The following RSF1 variants were observed in gnomAD, a reference collection of about 807,000 sequenced individuals.
The protein encoded by RSF1 is HBV pX-associated protein 8.
Under a neutral mutation model 145.2 loss-of-function variants are expected in RSF1, and 13 were observed. That is an observed-to-expected ratio of 0.09 (90% CI 0.06 to 0.14). RSF1 has a LOEUF of 0.14. RSF1 is among the 10% of genes least tolerant of loss of function. The pLI, the probability that RSF1 is intolerant of heterozygous loss-of-function variation, is 1.00. For synonymous variants in RSF1, 577 were observed against 592.6 expected, an observed-to-expected ratio of 0.97 and a Z score of 0.38; for missense variants, 1,517 against 1,718.2, an observed-to-expected ratio of 0.88 and a Z score of 2.07.
intron 2 of RSF1, among the ~76,000 whole-genome samples, chr11:77,758,080 G>A (rs1948133457): frequency 6.6e-6 from 1 of 151,280 alleles, no homozygotes; most frequent in Admixed American, 6.6e-5. Context: ...AGGCTGCAGT[G>A]AGCTGTGACT....
the RSF1 span, among the ~76,000 whole-genome samples, chr11:77,845,485 C>T: frequency 6.6e-6 from 1 of 151,894 alleles, no homozygotes; most frequent in Admixed American, 6.6e-5. Flanking sequence ...AGCTGGAGTG[C>T]CGTGGCACAA....
intron 5 of RSF1, among the ~76,000 whole-genome samples, chr11:77,705,154 G>A (rs1286903795): frequency 6.6e-6 from 1 of 152,118 alleles, no homozygotes; most frequent in Non-Finnish European, 1.5e-5. Flanking sequence ...GAAGAACTAG[G>A]ACAGAATATG....
At chr11:77,688,166 C>G (rs1960059111) in intron 9 of RSF1, among the ~76,000 whole-genome samples, 1 of 152,082 alleles carries the variant, frequency 6.6e-6, no homozygotes, top group African/African-American at 2.4e-5. Context: ...GTGGCGCGTG[C>G]CTGTAATCCC....
At chr11:77,854,529 ATTAAAAC>A in the RSF1 span, among the ~76,000 whole-genome samples, 1 of 152,234 alleles carries the variant, frequency 6.6e-6, no homozygotes, top group Admixed American at 6.5e-5. Flanking sequence ...CAGGGCAGTA[ATTAAAAC>A]TTAAAACTCC....
chr11:77,852,429 T>C, the RSF1 span, among the ~76,000 whole-genome samples: 5 of 152,040 alleles, frequency 3.3e-5, no homozygotes, highest in African/African-American at 1.2e-4. Flanking sequence ...ATTTACATGA[T>C]TCAGAATTCA....
intron 5 of RSF1, among the ~76,000 whole-genome samples, chr11:77,704,059 C>G (rs1214834564): frequency 2.0e-5 from 3 of 152,176 alleles, no homozygotes; most frequent in African/African-American, 7.2e-5. Flanking sequence ...TTTGGGAGGC[C>G]AAGTTGGGTG....
intron 8 of RSF1, among the ~76,000 whole-genome samples, chr11:77,692,519 C>T (rs1276687522): frequency 2.2e-4 from 23 of 102,818 alleles, no homozygotes; most frequent in African/African-American, 1.0e-3. Context: ...GCTGGGATTA[C>T]AGGCGTGAGC....
rs73506798 is a variant in RSF1 at position 77,695,840 on chromosome 11, A to G, written c.2716-2229T>C. Among the ~76,000 whole-genome samples the G allele has an allele frequency of 5.0e-3, 767 of 152,306 alleles. 8 individuals are homozygous for G. The highest frequency in any genetic ancestry group is 0.018 in the African/African-American group (734 of 41,564). ...TATACACATATATCTTTCTGTGCCT[A>G]TATTAAAATAAACATGGAGTTCATG... is the stretch of plus-strand genomic sequence containing the variant. On this transcript the variant is annotated intron_variant, in intron 7 of 15. Transcript: ENST00000308488.
chr11:77,776,499 T>C (rs1036973329), intron 1 of RSF1, among the ~76,000 whole-genome samples: 2 of 152,236 alleles, frequency 1.3e-5, no homozygotes, highest in African/African-American at 2.4e-5. Context: ...TGTCATCTTA[T>C]AGTTTCCTGA....
chr11:77,747,218 T>C (rs572934791), intron 2 of RSF1, 90 bp from the exon 3 acceptor site: 31 of 779,018 alleles, frequency 4.0e-5, no homozygotes, highest in Non-Finnish European at 2.2e-6. Flanking sequence ...TGTTAATACA[T>C]GTTTATAAAG....
At chr11:77,741,894 T>C (rs2135911893) in intron 3 of RSF1, among the ~76,000 whole-genome samples, 1 of 152,346 alleles carries the variant, frequency 6.6e-6, no homozygotes, top group South Asian at 2.1e-4. Context: ...ACTGTGATTC[T>C]ATGAGTCTGA....
intron 5 of RSF1, among the ~76,000 whole-genome samples, chr11:77,709,924 A>G (rs1960638892): frequency 6.6e-6 from 1 of 152,270 alleles, no homozygotes; most frequent in South Asian, 2.1e-4. Context: ...ACCAGTGACA[A>G]TTCTTTTATA....
At chr11:77,757,146 CTA>C (rs1218272321) in intron 2 of RSF1, among the ~76,000 whole-genome samples, 2 of 152,122 alleles carry the variant, frequency 1.3e-5, no homozygotes, top group Non-Finnish European at 2.9e-5. Flanking sequence ...AAGAAAAAAA[CTA>C]TGTTTTTTAA....
chr11:77,861,290 A>T, the RSF1 span, among the ~76,000 whole-genome samples: 1 of 152,212 alleles, frequency 6.6e-6, no homozygotes, highest in Non-Finnish European at 1.5e-5. Context: ...GCATGTGAAA[A>T]GAGTAAAGTT....
In RSF1 at chr11:77,664,722, G is replaced by C. The variant is rs1223987946; in HGVS notation, c.*2195C>G. 3 of 152,160 alleles carry C rather than the reference G, an allele frequency of 2.0e-5. No homozygotes were observed. The highest frequency in any genetic ancestry group is 4.4e-5 in the Non-Finnish European group (3 of 68,022). The allele number at this position is 152,160 out of a possible 1,614,324, so 9.4% of individuals were successfully genotyped here. A position where few individuals can be genotyped will look rare whatever the true frequency, so the allele number is the denominator to read the frequency against. On this transcript the variant is annotated 3_prime_UTR_variant, in exon 16 of 16. Coordinates refer to ENST00000308488, the MANE Select transcript of RSF1 (RefSeq NM_016578.4). Reference sequence around the variant, plus strand: ...TCAAACCACTTACCTTGCACTAGTAGAAATCTTTATATTGCTTGCCTGTTT... The same window carrying C: ...TCAAACCACTTACCTTGCACTAGTACAAATCTTTATATTGCTTGCCTGTTT...
At chr11:77,688,751 C>A (rs1009247223) in intron 9 of RSF1, among the ~76,000 whole-genome samples, 1 of 152,114 alleles carries the variant, frequency 6.6e-6, no homozygotes, top group East Asian at 1.9e-4. Context: ...CATAGTGAGA[C>A]CCTGTGTTCA....
chr11:77,662,175 C>T lies in RSF1; in HGVS notation c.*4742G>A, dbSNP rs1019352092. 1 of 151,874 alleles carries T rather than the reference C, an allele frequency of 6.6e-6. No individual in the cohort carries two copies. The highest frequency in any genetic ancestry group is 1.5e-5 in the Non-Finnish European group (1 of 67,964). The allele number at this position is 151,874 out of a possible 1,614,324, so 9.4% of individuals were successfully genotyped here. The stretch of plus-strand genomic sequence containing the variant: ...ATTTCTACTCATCTATTGTTATGCC[C>T]TCTTATATAACTTATGTATAGGATA... On this transcript the variant is annotated 3_prime_UTR_variant, in exon 16 of 16. Coordinates refer to ENST00000308488, the MANE Select transcript of RSF1 (RefSeq NM_016578.4).
the RSF1 span, among the ~76,000 whole-genome samples, chr11:77,844,351 C>T: frequency 4.0e-5 from 6 of 151,876 alleles, no homozygotes; most frequent in Non-Finnish European, 8.8e-5. Context: ...TTTTTTTTTA[C>T]AGTTTTTTCT....
chr11:77,737,621 GGTGT>G lies in RSF1; in HGVS notation c.578+3106_578+3109del, dbSNP rs1170824350. ...GAAAGAAGTTTTATGTGTTTTGGGG[GGTGT>G]GTGTGTGTGTGTGTGTGTGTGTGTG... is the stretch of plus-strand genomic sequence containing the variant. On this transcript the variant is annotated intron_variant, in intron 4 of 15. Coordinates refer to ENST00000308488, the MANE Select transcript of RSF1 (RefSeq NM_016578.4). Among the ~76,000 whole-genome samples the G allele has an allele frequency of 7.0e-3, 653 of 93,504 alleles. 4 individuals carry two copies. Among genetic ancestry groups the G allele is most frequent in the African/African-American group, 0.021 (541 of 26,050 alleles). 61.3% of individuals were successfully genotyped at this position (93,504 alleles called of 152,430 possible).
Sources: gnomAD v4.1 joint callset for allele counts (sites outside exome capture counted in the v4.1 genomes callset) on GRCh38, gnomAD v4.1.1 for gene constraint, MANE v1.5 for transcripts, NCBI Gene and HGNC (gene_info 2026-07-23, HGNC 2026-07-21) for gene names.